The following POLR2F variants were observed in gnomAD, a reference collection of about 807,000 sequenced individuals.
POLR2F encodes RNA polymerase II, I and III subunit F.
A neutral mutation model predicts 22.7 loss-of-function variants in POLR2F; 12 were observed. The ratio of observed to expected loss-of-function variants is 0.53; its 90% CI spans 0.34 to 0.86. POLR2F has a LOEUF of 0.86. Ranked by LOEUF, POLR2F falls within the 40% of genes least tolerant of loss-of-function variation. The probability of loss-of-function intolerance (pLI) is 0.02; values close to 1 mark genes in which losing one functional copy is unlikely to be tolerated. For synonymous variants in POLR2F, 57 were observed against 66.0 expected (o/e 0.86, Z 0.66); for missense variants, 126 against 171.5 (o/e 0.73, Z 1.48).
At chr22:38,027,333 T>C (rs2085022680), downstream of POLR2F, among the ~76,000 whole-genome samples, 1 of 151,894 alleles carries the variant, frequency 6.6e-6, no homozygotes, top group South Asian at 2.1e-4. Flanking sequence ...GTGGGAGGGG[T>C]TGCATGGACA....
chr22:37,959,305 T>C, intron 2 of POLR2F, 41 bp from the exon 3 acceptor site: 1 of 1,606,830 alleles, frequency 6.2e-7, no homozygotes, highest in South Asian at 1.1e-5. Flanking sequence ...AACCCAAAAG[T>C]GCCACCTGAG....
chr22:38,023,539 A>G (rs1190199082), intron 1 of POLR2F, among the ~76,000 whole-genome samples: 3 of 151,962 alleles, frequency 2.0e-5, no homozygotes, highest in Non-Finnish European at 1.5e-5. Context: ...GTGCATTCAT[A>G]TTGTGGTGCA....
upstream of POLR2F, chr22:37,984,143 G>T: frequency 1.1e-5 from 2 of 176,288 alleles, no homozygotes; most frequent in Non-Finnish European, 1.2e-5. The surrounding 1 kb of genome is among the most constrained non-coding windows in gnomAD (Gnocchi z 4.4). Flanking sequence ...AGAAAAAAAC[G>T]GAGCCTTTAT....
At chr22:38,014,965 G>A (rs551129971) in intron 1 of POLR2F, among the ~76,000 whole-genome samples, 2 of 151,648 alleles carry the variant, frequency 1.3e-5, no homozygotes, top group East Asian at 1.9e-4. Flanking sequence ...CCGCCACCAC[G>A]CCCGGCTAAT....
At chr22:37,992,188 G>A (rs1359146687) in intron 1 of POLR2F, among the ~76,000 whole-genome samples, 1 of 152,128 alleles carries the variant, frequency 6.6e-6, no homozygotes, top group Non-Finnish European at 1.5e-5. Flanking sequence ...TGTGTCCTTG[G>A]CAAATGAGTT....
upstream of POLR2F, among the ~76,000 whole-genome samples, chr22:37,982,306 T>C (rs1055668010): frequency 1.3e-5 from 2 of 152,162 alleles, no homozygotes; most frequent in Non-Finnish European, 1.5e-5. Context: ...GCCTGTCTCT[T>C]GGTCAGTCTA....
chr22:38,039,850 C>A (rs2085154652), intron 5 of POLR2F, among the ~76,000 whole-genome samples: 1 of 152,148 alleles, frequency 6.6e-6, no homozygotes, highest in African/African-American at 2.4e-5. Context: ...CAGTGAAGAG[C>A]CCCTGTGCTG....
intron 1 of POLR2F, 104 bp downstream of exon 1, chr22:37,953,911 G>A: frequency 1.5e-6 from 2 of 1,348,368 alleles, no homozygotes; most frequent in Non-Finnish European, 1.0e-6. Flanking sequence ...AATGTCTGAG[G>A]GGACTGGGGT....
chr22:38,031,608 C>T (rs541596096), downstream of POLR2F, among the ~76,000 whole-genome samples: 8 of 152,278 alleles, frequency 5.3e-5, no homozygotes, highest in East Asian at 1.2e-3. The surrounding 1 kb of genome is among the most constrained non-coding windows in gnomAD (Gnocchi z 4.1). Context: ...CTGTCCCAGG[C>T]GCCTGATGTC....
chr22:38,036,295 G>A (rs1202328447), intron 5 of POLR2F, among the ~76,000 whole-genome samples: 1 of 151,906 alleles, frequency 6.6e-6, no homozygotes, highest in African/African-American at 2.4e-5. Flanking sequence ...GCTTTTCTAG[G>A]CCATTTGCTG....
downstream of POLR2F, chr22:37,973,503 G>A (rs748016164): frequency 3.1e-6 from 5 of 1,596,394 alleles, no homozygotes; most frequent in Non-Finnish European, 4.3e-6. Context: ...CTTTAGGGCC[G>A]GGACAGTGTC....
chr22:38,012,030 A>C (rs555559949), intron 1 of POLR2F, among the ~76,000 whole-genome samples: 34 of 151,718 alleles, frequency 2.2e-4, no homozygotes, highest in African/African-American at 7.7e-4. Flanking sequence ...TTTCATGTAG[A>C]GGTCTTCACA....
intron 5 of POLR2F, among the ~76,000 whole-genome samples, chr22:38,037,439 ATT>A (rs10624395): frequency 3.1e-4 from 38 of 124,154 alleles, no homozygotes; most frequent in African/African-American, 8.4e-4. Flanking sequence ...ATGCTCGGCT[ATT>A]TTTTTTTTTT....
At chr22:38,035,196 C>T (rs1359363309) in intron 5 of POLR2F, among the ~76,000 whole-genome samples, 1 of 152,204 alleles carries the variant, frequency 6.6e-6, no homozygotes, top group Non-Finnish European at 1.5e-5. Flanking sequence ...TCGCCTGTGG[C>T]ACAAACTCAC....
downstream of POLR2F, chr22:37,974,278 G>A (rs1367935652): frequency 5.4e-6 from 6 of 1,110,098 alleles, no homozygotes; most frequent in African/African-American, 9.2e-5. The surrounding 1 kb of genome is among the most constrained non-coding windows in gnomAD (Gnocchi z 5.4). Context: ...AACTTCCATG[G>A]TTCACCTTCA....
At chr22:37,954,323 AAC>A (rs1931265947) in intron 1 of POLR2F, among the ~76,000 whole-genome samples, 1 of 151,160 alleles carries the variant, frequency 6.6e-6, no homozygotes, top group Non-Finnish European at 1.5e-5. Context: ...TTTTTTTTGA[AAC>A]AGAGTCTTGC....
intron 3 of POLR2F, among the ~76,000 whole-genome samples, chr22:37,959,991 A>G (rs1167163871): frequency 6.6e-6 from 1 of 151,596 alleles, no homozygotes; most frequent in African/African-American, 2.4e-5. Flanking sequence ...TTTAATAGAG[A>G]CGGGGTCTCG....
chr22:37,959,618 C>T (rs1931545285), intron 3 of POLR2F, 142 bp downstream of exon 3: 1 of 890,444 alleles, frequency 1.1e-6, no homozygotes, highest in South Asian at 1.7e-5. Flanking sequence ...GCGTACCAGG[C>T]ATTGAGCTAG....
intron 1 of POLR2F, among the ~76,000 whole-genome samples, chr22:38,007,710 C>T (rs548696253): frequency 7.2e-5 from 11 of 152,326 alleles, no homozygotes; most frequent in African/African-American, 2.6e-4. Context: ...GCAGGCCTTC[C>T]GCAAAGACTT....
Sources: gnomAD v4.1 joint callset for allele counts (sites outside exome capture counted in the v4.1 genomes callset) on GRCh38, gnomAD v4.1.1 for gene constraint, Gnocchi (gnomAD v3.1) non-coding constraint, MANE v1.5 for transcripts, NCBI Gene and HGNC (gene_info 2026-07-23, HGNC 2026-07-21) for gene names.